TMPO: variants seen among roughly 807,000 people sequenced by gnomAD.
TMPO encodes thymopoietin.
Under a neutral mutation model 45.4 loss-of-function variants are expected in TMPO, and 22 were observed. That is an observed-to-expected ratio of 0.48 (90% CI 0.35 to 0.69). The LOEUF is 0.69. Among genes scored for constraint, TMPO ranks in the 30% least tolerant of loss-of-function variants. The pLI is 0.01. For missense variants in TMPO, 512 were observed against 548.8 expected (o/e 0.93, Z 0.67); for synonymous variants, 241 against 204.1 (o/e 1.18, Z -1.54).
intron 2 of TMPO, among the ~76,000 whole-genome samples, chr12:98,529,012 C>A (rs1276959452): frequency 2.0e-5 from 3 of 151,194 alleles, no homozygotes; most frequent in African/African-American, 7.3e-5. Context: ...TAGTGACAGA[C>A]TTCTTCTTAA....
intron 1 of TMPO, chr12:98,527,528 A>AAT (rs10651296): frequency 0.043 from 8,996 of 207,610 alleles, 490 homozygotes; most frequent in African/African-American, 0.15. Context: ...GTATCATTAA[A>AAT]AAAAAAAAAA....
rs192435192 is a variant in TMPO at position 98,530,595 on chromosome 12, A to G, written c.407-1085A>G. 5.1e-3 allele frequency among the ~76,000 whole-genome samples: 778 copies of G among 152,324 alleles called. 2 individuals carry two copies. The highest frequency in any genetic ancestry group is 7.4e-3 in the Non-Finnish European group (501 of 68,024). Reference sequence around the variant, plus strand: ...GTCACTGATGTTCAAATGTATTAAGAATTTGTAATCAATTTTGCTTTGTGA... The same window carrying G: ...GTCACTGATGTTCAAATGTATTAAGGATTTGTAATCAATTTTGCTTTGTGA... On this transcript the variant is annotated intron_variant, in intron 2 of 8. Coordinates refer to ENST00000556029, the MANE Select transcript of TMPO (RefSeq NM_001032283.3).
chr12:98,541,007 T>A (rs984063596), intron 4 of TMPO, among the ~76,000 whole-genome samples: 4 of 152,120 alleles, frequency 2.6e-5, no homozygotes, highest in South Asian at 2.1e-4. Context: ...AGGTTTTTTT[T>A]ATGTATTGAA....
At chr12:98,519,841 A>T (rs1344307520) in intron 1 of TMPO, among the ~76,000 whole-genome samples, 1 of 152,210 alleles carries the variant, frequency 6.6e-6, no homozygotes, top group African/African-American at 2.4e-5. Context: ...ATAATAATTT[A>T]TGTGTAAAAT....
chr12:98,546,014 T>G (rs1381050902), intron 7 of TMPO, among the ~76,000 whole-genome samples: 1 of 152,180 alleles, frequency 6.6e-6, no homozygotes, highest in Non-Finnish European at 1.5e-5. Flanking sequence ...ATTACAGGCG[T>G]GAGCCACCGT....
In TMPO at chr12:98,533,026, G is replaced by T; in HGVS notation, c.565+1188G>T. ...GGGAGACCTACCTAGGGAGCCTCTTGTTGCCACAAACTTGCCTGGCAGGGG... is the reference window on the plus strand; with the variant it reads ...GGGAGACCTACCTAGGGAGCCTCTTTTTGCCACAAACTTGCCTGGCAGGGG... On this transcript the variant is annotated intron_variant, in intron 3 of 8. Coordinates refer to ENST00000556029, the MANE Select transcript of TMPO (RefSeq NM_001032283.3). 6.2e-7 allele frequency: 1 copy of T among 1,613,662 alleles called. No individual in the cohort carries two copies. Among genetic ancestry groups the T allele is most frequent in the Non-Finnish European group, 8.5e-7 (1 of 1,179,714 alleles).
chr12:98,521,100 A>ATGTTTTTTTTT (rs1876323905), intron 1 of TMPO, among the ~76,000 whole-genome samples: 2 of 76,756 alleles, frequency 2.6e-5, no homozygotes, highest in Non-Finnish European at 4.8e-5. Flanking sequence ...TTTATGAGGA[A>ATGTTTTTTTTT]TTTTTTTTTT....
chr12:98,522,456 G>C, intron 1 of TMPO, among the ~76,000 whole-genome samples: 1 of 152,168 alleles, frequency 6.6e-6, no homozygotes, highest in East Asian at 1.9e-4. Context: ...GTGAATAATA[G>C]AGTTATAGAT....
intron 6 of TMPO, 132 bp downstream of exon 6, chr12:98,544,669 T>G (rs905267010): frequency 5.1e-6 from 4 of 788,160 alleles, no homozygotes; most frequent in Admixed American, 2.7e-5. Context: ...TAAACTGATT[T>G]TCCCCATATA....
At chr12:98,519,489 GCA>G (rs1440136486) in intron 1 of TMPO, among the ~76,000 whole-genome samples, 6 of 152,282 alleles carry the variant, frequency 3.9e-5, no homozygotes, top group African/African-American at 1.4e-4. Context: ...ATGAGCGACG[GCA>G]CCCAGCCCAG....
intron 1 of TMPO, among the ~76,000 whole-genome samples, chr12:98,523,293 C>T (rs1876511574): frequency 6.6e-6 from 1 of 152,176 alleles, no homozygotes. Flanking sequence ...GTGGCTCACA[C>T]CTGTAATCCC....
chr12:98,533,612 C>T lies in TMPO; in HGVS notation c.565+1774C>T, dbSNP rs762576951. ...TCCTTTGTGGCATTTCAGAACATAC[C>T]TGGATCCGAACTGATGTCTTCTTTT... On this transcript the variant is annotated intron_variant, in intron 3 of 8. Coordinates refer to ENST00000556029, the MANE Select transcript of TMPO (RefSeq NM_001032283.3). 4 of 1,614,182 alleles carry T rather than the reference C, an allele frequency of 2.5e-6. No homozygotes were observed. In the Admixed American group the frequency reaches 5.0e-5, roughly 20 times the overall value.
intron 4 of TMPO, among the ~76,000 whole-genome samples, chr12:98,540,357 G>C (rs141226244): frequency 3.7e-4 from 56 of 152,220 alleles, no homozygotes; most frequent in African/African-American, 1.3e-3. Flanking sequence ...GAGAAACTCT[G>C]TTTTGCTTTG....
At chr12:98,521,574 C>A (rs867454499) in intron 1 of TMPO, among the ~76,000 whole-genome samples, 11 of 152,036 alleles carry the variant, frequency 7.2e-5, no homozygotes, top group African/African-American at 2.7e-4. Context: ...ATCTTGCTAC[C>A]AATATTTTTA....
intron 7 of TMPO, 57 bp from the exon 8 acceptor site, chr12:98,546,302 T>C: frequency 8.9e-7 from 1 of 1,123,640 alleles, no homozygotes; most frequent in Middle Eastern, 2.5e-4. Context: ...GTTTTAATTA[T>C]TGCATGTTTA....
chr12:98,545,423 AT>A (rs1878174119), intron 7 of TMPO, among the ~76,000 whole-genome samples: 1 of 152,156 alleles, frequency 6.6e-6, no homozygotes, highest in Admixed American at 6.5e-5. Flanking sequence ...GACGGGTCAA[AT>A]AAGAGACTTT....
intron 6 of TMPO, 113 bp downstream of exon 6, chr12:98,544,650 T>TA (rs59214736): frequency 5.4e-6 from 5 of 918,904 alleles, no homozygotes; most frequent in Non-Finnish European, 8.3e-6. Flanking sequence ...TTTTTTTTTT[T>TA]AACAATTTTA....
At chr12:98,534,326 G>C in intron 3 of TMPO, 1 of 1,612,428 alleles carries the variant, frequency 6.2e-7, no homozygotes, top group Non-Finnish European at 8.5e-7. Context: ...ATTAAAAAGC[G>C]TGGAAATAAA....
chr12:98,545,137 T>A, intron 7 of TMPO, 76 bp downstream of exon 7: 1 of 1,204,518 alleles, frequency 8.3e-7, no homozygotes. Flanking sequence ...TTGTTTTTTT[T>A]TTTTTTTTTT....
Sources: gnomAD v4.1 joint callset for allele counts (sites outside exome capture counted in the v4.1 genomes callset) on GRCh38, gnomAD v4.1.1 for gene constraint, MANE v1.5 for transcripts, NCBI Gene and HGNC (gene_info 2026-07-23, HGNC 2026-07-21) for gene names.